The following ERBB4 variants were observed in gnomAD, a reference collection of about 807,000 sequenced individuals.
The protein encoded by ERBB4 is receptor tyrosine-protein kinase erbB-4.
In ERBB4, 42 loss-of-function variants were observed where a neutral mutation model predicts 158.0. That is an observed-to-expected ratio of 0.27 (90% CI 0.21 to 0.34). ERBB4 has a LOEUF of 0.34. Among genes scored for constraint, ERBB4 ranks in the 10% least tolerant of loss-of-function variants. The pLI, the probability that ERBB4 is intolerant of heterozygous loss-of-function variation, is 1.00. For missense variants in ERBB4, 1,333 were observed against 1,624.1 expected (o/e 0.82, Z 3.08); for synonymous variants, 583 against 558.7 (o/e 1.04, Z -0.61).
At chr2:211,742,058 CT>C (rs1213422656) in intron 5 of ERBB4, among the ~76,000 whole-genome samples, 1 of 152,038 alleles carries the variant, frequency 6.6e-6, no homozygotes, top group African/African-American at 2.4e-5. Flanking sequence ...AATAAGAAGG[CT>C]TATGGATGTG....
At chr2:211,434,812 C>G (rs548409111) in intron 20 of ERBB4, among the ~76,000 whole-genome samples, 1 of 152,264 alleles carries the variant, frequency 6.6e-6, no homozygotes, top group East Asian at 1.9e-4. Flanking sequence ...GCAATAAGAA[C>G]GTAAGTATCT....
chr2:212,265,643 G>T (rs2085107153), intron 1 of ERBB4, among the ~76,000 whole-genome samples: 1 of 151,848 alleles, frequency 6.6e-6, no homozygotes, highest in Non-Finnish European at 1.5e-5. Context: ...ACAATATACA[G>T]ATCCCAAAAC....
intron 19 of ERBB4, among the ~76,000 whole-genome samples, chr2:211,572,365 T>C (rs1433571838): frequency 1.3e-5 from 2 of 152,174 alleles, no homozygotes; most frequent in African/African-American, 4.8e-5. Flanking sequence ...ATCTGTGACA[T>C]TGGCCTGTAT....
At chr2:212,509,558 C>G (rs558850010) in intron 1 of ERBB4, among the ~76,000 whole-genome samples, 2 of 151,884 alleles carry the variant, frequency 1.3e-5, no homozygotes, top group Non-Finnish European at 2.9e-5. Context: ...TAAGAATTAC[C>G]TGTAAATAAT....
chr2:211,879,142 C>T (rs1466791882), intron 3 of ERBB4, among the ~76,000 whole-genome samples: 3 of 151,950 alleles, frequency 2.0e-5, no homozygotes, highest in Admixed American at 1.3e-4. Flanking sequence ...CCCTAGAATT[C>T]ACACAGAAAA....
intron 25 of ERBB4, among the ~76,000 whole-genome samples, chr2:211,416,180 AATATCATT>A (rs1214566744): frequency 1.3e-5 from 2 of 152,216 alleles, no homozygotes; most frequent in Non-Finnish European, 2.9e-5. Flanking sequence ...TAAATTTTCT[AATATCATT>A]AAAGCTAAAA....
chr2:212,003,159 A>G (rs1289758206), intron 2 of ERBB4, among the ~76,000 whole-genome samples: 12 of 20,300 alleles, frequency 5.9e-4, no homozygotes, highest in African/African-American at 8.9e-4. Context: ...GAAAGAAAGA[A>G]AGAAAGAAAG....
At chr2:211,946,151 A>G (rs907570645) in intron 3 of ERBB4, among the ~76,000 whole-genome samples, 6 of 152,068 alleles carry the variant, frequency 3.9e-5, no homozygotes, top group South Asian at 4.1e-4. Flanking sequence ...GAATCTATAA[A>G]TTCTGAACAA....
intron 25 of ERBB4, among the ~76,000 whole-genome samples, chr2:211,400,477 G>T (rs2063012948): frequency 6.6e-6 from 1 of 152,012 alleles, no homozygotes; most frequent in South Asian, 2.1e-4. Flanking sequence ...AGGTTATTTT[G>T]CAAACTTTGT....
At chr2:211,909,886 C>A (rs952056361) in intron 3 of ERBB4, among the ~76,000 whole-genome samples, 1 of 151,738 alleles carries the variant, frequency 6.6e-6, no homozygotes, top group Non-Finnish European at 1.5e-5. Context: ...ATAGTCTGGA[C>A]AATCTTTCTG....
At chr2:212,056,389 C>T (rs1034148479) in intron 2 of ERBB4, among the ~76,000 whole-genome samples, 1 of 152,172 alleles carries the variant, frequency 6.6e-6, no homozygotes, top group Non-Finnish European at 1.5e-5. Context: ...CCCAACCTAG[C>T]AAGGCAGGCC....
intron 15 of ERBB4, among the ~76,000 whole-genome samples, chr2:211,661,894 C>T (rs1164902314): frequency 1.3e-5 from 2 of 149,268 alleles, no homozygotes; most frequent in African/African-American, 4.9e-5. Flanking sequence ...AAAAAATTAG[C>T]CGGGCGTAGT....
At chr2:211,973,470 G>C (rs991676222) in intron 2 of ERBB4, among the ~76,000 whole-genome samples, 1 of 151,944 alleles carries the variant, frequency 6.6e-6, no homozygotes, top group Non-Finnish European at 1.5e-5. Flanking sequence ...CAAAGTGCTG[G>C]GATTAAAGGC....
intron 1 of ERBB4, among the ~76,000 whole-genome samples, chr2:212,492,700 C>T (rs1690346821): frequency 6.6e-6 from 1 of 151,202 alleles, no homozygotes; most frequent in African/African-American, 2.4e-5. Flanking sequence ...AGAAAAAAAC[C>T]CTATGCTTCA....
intron 1 of ERBB4, among the ~76,000 whole-genome samples, chr2:212,473,921 T>A (rs1030976644): frequency 6.6e-6 from 1 of 152,110 alleles, no homozygotes; most frequent in Non-Finnish European, 1.5e-5. Context: ...TGTTTTAATA[T>A]CCATATTAAT....
intron 19 of ERBB4, among the ~76,000 whole-genome samples, chr2:211,571,170 G>A (rs1433466508): frequency 2.0e-5 from 3 of 150,988 alleles, no homozygotes; most frequent in East Asian, 2.0e-4. Context: ...AGCCTCCTGA[G>A]TAGCTGGGAC....
chr2:212,310,012 AG>A (rs1434052401), intron 1 of ERBB4, among the ~76,000 whole-genome samples: 1 of 150,604 alleles, frequency 6.6e-6, no homozygotes, highest in African/African-American at 2.4e-5. Flanking sequence ...CCAAATGTTA[AG>A]GTATAATGTA....
At chr2:211,710,631 C>A (rs756960585) in intron 9 of ERBB4, among the ~76,000 whole-genome samples, 1 of 152,056 alleles carries the variant, frequency 6.6e-6, no homozygotes, top group Non-Finnish European at 1.5e-5. Flanking sequence ...AATTGTAGCT[C>A]CTACAATTCC....
At chr2:211,396,596 G>A (rs991317520) in intron 25 of ERBB4, among the ~76,000 whole-genome samples, 2 of 152,088 alleles carry the variant, frequency 1.3e-5, no homozygotes, top group African/African-American at 4.8e-5. Flanking sequence ...TGAAGCGCAC[G>A]GTTTGTGTAT....
Sources: gnomAD v4.1 joint callset for allele counts (sites outside exome capture counted in the v4.1 genomes callset) on GRCh38, gnomAD v4.1.1 for gene constraint, MANE v1.5 for transcripts, NCBI Gene and HGNC (gene_info 2026-07-23, HGNC 2026-07-21) for gene names.